Variants in ARID4B observed in about 807,000 individuals in gnomAD.
ARID4B encodes AT-rich interaction domain 4B.
In ARID4B, 26 loss-of-function variants were observed where a neutral mutation model predicts 147.5. That is an observed-to-expected ratio of 0.18 (90% CI 0.13 to 0.24). ARID4B has a LOEUF of 0.24. Among genes scored for constraint, ARID4B ranks in the 10% least tolerant of loss-of-function variants. ARID4B has a pLI of 1.00. For missense variants in ARID4B, 1,179 were observed against 1,511.5 expected, an observed-to-expected ratio of 0.78 and a Z score of 3.65; for synonymous variants, 512 against 507.9, an observed-to-expected ratio of 1.01 and a Z score of -0.11.
At chr1:235,261,365 A>G (rs1193194327) in intron 2 of ARID4B, among the ~76,000 whole-genome samples, 1 of 152,138 alleles carries the variant, frequency 6.6e-6, no homozygotes, top group Non-Finnish European at 1.5e-5. Flanking sequence ...ACAAAATAAA[A>G]AAATAAAAAC....
intron 23 of ARID4B, among the ~76,000 whole-genome samples, chr1:235,169,150 T>C (rs570562892): frequency 6.6e-6 from 1 of 152,314 alleles, no homozygotes; most frequent in South Asian, 2.1e-4. Flanking sequence ...AACTGTTGCA[T>C]TCTCCGCCAC....
At chr1:235,204,282 A>G (rs1355283275) in intron 17 of ARID4B, among the ~76,000 whole-genome samples, 1 of 152,198 alleles carries the variant, frequency 6.6e-6, no homozygotes, top group Non-Finnish European at 1.5e-5. Context: ...AGATCATGCC[A>G]CTGCACTCTA....
At chr1:235,178,883 T>C (rs1304087164) in intron 20 of ARID4B, among the ~76,000 whole-genome samples, 11 of 152,190 alleles carry the variant, frequency 7.2e-5, no homozygotes, top group Admixed American at 4.6e-4. Flanking sequence ...TAATCTTACT[T>C]ACAACTTTTC....
In ARID4B at chr1:235,168,185, A is replaced by G. The variant is rs1244049668; in HGVS notation, c.*340T>C. ...ACAAAATACAAGGGAATACATATAC[A>G]GTAAGTTATCTTAACATGTTCTGAC... is the stretch of plus-strand genomic sequence containing the variant. On this transcript the variant is annotated 3_prime_UTR_variant, in exon 24 of 24. Coordinates refer to ENST00000264183, the MANE Select transcript of ARID4B (RefSeq NM_016374.6). 8.5e-6 allele frequency: 2 copies of G among 236,352 alleles called. No individual in the cohort carries two copies. Among genetic ancestry groups the G allele is most frequent in the Non-Finnish European group, 1.7e-5 (2 of 120,358 alleles). 14.6% of individuals were successfully genotyped at this position (236,352 alleles called of 1,614,324 possible).
At chr1:235,271,216 G>A (rs1369406893) in intron 2 of ARID4B, among the ~76,000 whole-genome samples, 1 of 152,026 alleles carries the variant, frequency 6.6e-6, no homozygotes, top group Non-Finnish European at 1.5e-5. Context: ...TAAGCCAGAA[G>A]AGGTGGTGAA....
chr1:235,325,077 T>C (rs940810968), intron 2 of ARID4B, among the ~76,000 whole-genome samples: 12 of 152,184 alleles, frequency 7.9e-5, no homozygotes, highest in Non-Finnish European at 1.5e-4. Context: ...AATAAAGTTG[T>C]AAGAAATAAG....
At chr1:235,177,723 G>T in intron 21 of ARID4B, 77 bp downstream of exon 21, 1 of 954,552 alleles carries the variant, frequency 1.0e-6, no homozygotes, top group Non-Finnish European at 1.6e-6. Flanking sequence ...CCCATACCCT[G>T]AATACCATTT....
intron 17 of ARID4B, among the ~76,000 whole-genome samples, chr1:235,200,506 T>A (rs1367608943): frequency 2.0e-5 from 3 of 152,100 alleles, no homozygotes; most frequent in Non-Finnish European, 2.9e-5. Flanking sequence ...GAAAACCCCA[T>A]ATTTCCTACA....
At chr1:235,234,622 GCA>G (rs35818300) in intron 8 of ARID4B, 130 bp from the exon 9 acceptor site, 255,467 of 557,986 alleles carry the variant, frequency 0.46, 61,063 homozygotes, top group South Asian at 0.59. Flanking sequence ...GGGTAAACAG[GCA>G]CACACACACA....
chr1:235,200,217 G>A (rs1181406610), intron 17 of ARID4B, among the ~76,000 whole-genome samples: 2 of 152,152 alleles, frequency 1.3e-5, no homozygotes, highest in African/African-American at 4.8e-5. Flanking sequence ...CACTTTGGGA[G>A]GCCGAGGCAG....
At chr1:235,269,112 T>C (rs1013113637) in intron 2 of ARID4B, among the ~76,000 whole-genome samples, 10 of 152,204 alleles carry the variant, frequency 6.6e-5, no homozygotes, top group African/African-American at 2.4e-4. Context: ...CTTTAAAAAG[T>C]TGGTAACAAA....
chr1:235,288,392 G>A (rs573739027), intron 2 of ARID4B, among the ~76,000 whole-genome samples: 2 of 151,976 alleles, frequency 1.3e-5, no homozygotes, highest in South Asian at 4.2e-4. Flanking sequence ...GTTCTTCCAG[G>A]TTTTTTCCAG....
In ARID4B at chr1:235,211,839, A is replaced by C. The variant is rs142685547; in HGVS notation, c.1841+1930T>G. On this transcript the variant is annotated intron_variant, in intron 17 of 23. Coordinates refer to ENST00000264183, the MANE Select transcript of ARID4B (RefSeq NM_016374.6). The stretch of plus-strand genomic sequence containing the variant: ...ATATTCGGTAAGATAATTTAGTAAG[A>C]TCAAAATGACTAGAAGTAAAAAATT... 2.3e-3 allele frequency among the ~76,000 whole-genome samples: 347 copies of C among 152,356 alleles called. 2 individuals are homozygous for C. In the Middle Eastern group the frequency reaches 0.024, roughly 10 times the overall value.
At position 235,309,456 on chromosome 1, in the gene ARID4B, C is replaced by A. The variant is rs559100775; in HGVS notation, c.6+17458G>T. ...CAGCCCCCCGCCCGGCCAGCCGCCC[C>A]ATCCGGGAGGTAAGGGGCGCCTCTG... On this transcript the variant is annotated intron_variant, in intron 2 of 23. Transcript: ENST00000264183. Among the ~76,000 whole-genome samples the A allele has an allele frequency of 1.3e-5, 2 of 148,892 alleles. 1 individual carries two copies. The highest frequency in any genetic ancestry group is 3.0e-5 in the Non-Finnish European group (2 of 67,040).
intron 4 of ARID4B, 96 bp downstream of exon 4, chr1:235,257,059 GAATTT>G (rs1230772919): frequency 1.5e-5 from 12 of 812,186 alleles, no homozygotes; most frequent in Non-Finnish European, 2.2e-5. Context: ...ATTACATATT[GAATTT>G]ATCAACTCAA....
intron 2 of ARID4B, among the ~76,000 whole-genome samples, chr1:235,319,855 G>A (rs1416747597): frequency 2.0e-5 from 3 of 151,996 alleles, no homozygotes; most frequent in Admixed American, 6.6e-5. Context: ...AAGGCCGGGC[G>A]AGGTGACTCA....
intron 8 of ARID4B, among the ~76,000 whole-genome samples, chr1:235,239,822 G>GT (rs1668871809): frequency 6.6e-6 from 1 of 152,088 alleles, no homozygotes; most frequent in Admixed American, 6.6e-5. Context: ...ACATTAAAAA[G>GT]TAGGTAGAAT....
At chr1:235,188,503 C>T (rs1196093116) in intron 19 of ARID4B, among the ~76,000 whole-genome samples, 2 of 152,294 alleles carry the variant, frequency 1.3e-5, no homozygotes, top group South Asian at 2.1e-4. Context: ...GACTGCCCTT[C>T]TAGAGCTTTA....
chr1:235,189,158 T>C (rs1486547284), intron 19 of ARID4B, among the ~76,000 whole-genome samples: 1 of 152,082 alleles, frequency 6.6e-6, no homozygotes, highest in Non-Finnish European at 1.5e-5. Flanking sequence ...CCCAGCACTG[T>C]GGGAGGCTGA....
Sources: gnomAD v4.1 joint callset for allele counts (sites outside exome capture counted in the v4.1 genomes callset) on GRCh38, gnomAD v4.1.1 for gene constraint, MANE v1.5 for transcripts, NCBI Gene and HGNC (gene_info 2026-07-23, HGNC 2026-07-21) for gene names.